The following STAG2 variants were observed in gnomAD, a reference collection of about 807,000 sequenced individuals.
The protein encoded by STAG2 is STAG2 cohesin complex component, also known as cohesin subunit SA-2.
In STAG2, 14 loss-of-function variants were observed where a neutral mutation model predicts 108.1. The observed-to-expected ratio is 0.13, with a 90% CI of 0.09 to 0.20. The LOEUF is 0.20. Ranked by LOEUF, STAG2 falls within the 10% of genes least tolerant of loss-of-function variation. The probability of loss-of-function intolerance (pLI) is 1.00; values close to 1 mark genes in which losing one functional copy is unlikely to be tolerated. For missense variants in STAG2, 440 were observed against 940.9 expected (o/e 0.47, Z 6.96); for synonymous variants, 307 against 302.7 (o/e 1.01, Z -0.15).
intron 1 of STAG2, among the ~76,000 whole-genome samples, chrX:123,990,927 T>C (rs2055426923): frequency 8.9e-6 from 1 of 111,819 alleles, no homozygotes; most frequent in African/African-American, 3.3e-5. Flanking sequence ...TAACAGTACA[T>C]GTCCTTCCAG....
At chrX:124,035,693 G>A (rs758620952) in intron 5 of STAG2, among the ~76,000 whole-genome samples, 3 of 112,077 alleles carry the variant, frequency 2.7e-5, no homozygotes, top group Non-Finnish European at 3.8e-5. Context: ...TGCCTAGTCT[G>A]TAGTGATATG....
intron 1 of STAG2, among the ~76,000 whole-genome samples, chrX:124,015,608 C>T (rs1288787091): frequency 9.1e-6 from 1 of 110,296 alleles, no homozygotes; most frequent in African/African-American, 3.3e-5. Context: ...CTCCTGACCT[C>T]GTGATCCGCC....
rs756274016 is a variant in STAG2 at position 123,993,902 on chromosome X, A to G, written c.-162-27465A>G. Among the ~76,000 whole-genome samples, 6 of 111,812 alleles carry G rather than the reference A, an allele frequency of 5.4e-5. No individual in the cohort carries two copies. The South Asian group carries it at 2.2e-3, about 41-fold the overall frequency. ...AGGTGGAATTTTCCATAATTTATTT[A>G]TTAAACAACCACCTATAGGCATTAT... On this transcript the variant is annotated intron_variant, in intron 1 of 34. Transcript: ENST00000371145.
In STAG2 at chrX:124,053,222, A is replaced by T. The variant is rs141367766; in HGVS notation, c.1196+1828A>T. On this transcript the variant is annotated intron_variant, in intron 13 of 34. Transcript: ENST00000371145. ...TACCAAGCACTTGGGTGGTATGTTG[A>T]GAGAGTTAAAAATCAGAGCCTTCTC... Among the ~76,000 whole-genome samples, 10 of 112,530 alleles carry T rather than the reference A, an allele frequency of 8.9e-5. No individual in the cohort carries two copies. In the East Asian group the frequency reaches 2.8e-3, roughly 31 times the overall value.
chrX:124,056,772 C>T (rs1488085622), intron 14 of STAG2, among the ~76,000 whole-genome samples: 1 of 101,953 alleles, frequency 9.8e-6, no homozygotes, highest in African/African-American at 3.5e-5. Flanking sequence ...GTACCCATGT[C>T]TTTCAGTAAA....
At chrX:124,066,829 T>C (rs1378456387) in intron 23 of STAG2, among the ~76,000 whole-genome samples, 1 of 112,054 alleles carries the variant, frequency 8.9e-6, no homozygotes. Context: ...CTAGTGATGT[T>C]CCAAATTCAT....
At chrX:124,011,923 C>T (rs1007867749) in intron 1 of STAG2, among the ~76,000 whole-genome samples, 9 of 111,798 alleles carry the variant, frequency 8.1e-5, no homozygotes, top group Admixed American at 3.8e-4. Flanking sequence ...TAAATTTCCA[C>T]GAGTTTTTGA....
At chrX:124,093,473 T>G (rs4363319) in intron 32 of STAG2, among the ~76,000 whole-genome samples, 2 of 65,497 alleles carry the variant, frequency 3.1e-5, no homozygotes, top group African/African-American at 1.0e-4. Flanking sequence ...CTTATTCATC[T>G]TTTTTTTTTT....
intron 21 of STAG2, 73 bp downstream of exon 21, chrX:124,066,019 A>C (rs2058513574): frequency 1.0e-6 from 1 of 1,004,069 alleles, no homozygotes; most frequent in African/African-American, 1.9e-5. Context: ...GGGTTATGTT[A>C]ATTTCTAAGC....
intron 1 of STAG2, among the ~76,000 whole-genome samples, chrX:123,991,666 C>CTT (rs368753514): frequency 1.2e-4 from 11 of 94,627 alleles, no homozygotes; most frequent in Admixed American, 2.3e-4. Flanking sequence ...CAACTATTTT[C>CTT]TTTTTTTTTT....
At chrX:124,017,506 G>T in intron 1 of STAG2, among the ~76,000 whole-genome samples, 1 of 111,434 alleles carries the variant, frequency 9.0e-6, no homozygotes, top group Admixed American at 9.6e-5. Context: ...CACCGTGCCT[G>T]GCCCCTAAAT....
chrX:124,088,392 A>G (rs959425268), intron 30 of STAG2, among the ~76,000 whole-genome samples: 1 of 111,230 alleles, frequency 9.0e-6, no homozygotes, highest in Non-Finnish European at 1.9e-5. Context: ...TGGGGCATTA[A>G]TAAGTTAACA....
At chrX:124,098,398 T>A (rs2059435980) in intron 34 of STAG2, among the ~76,000 whole-genome samples, 1 of 111,660 alleles carries the variant, frequency 9.0e-6, no homozygotes, top group African/African-American at 3.3e-5. Flanking sequence ...GTTTATTTTT[T>A]AAATATACAC....
chrX:124,069,104 C>A (rs2058605940), intron 24 of STAG2, among the ~76,000 whole-genome samples: 1 of 111,742 alleles, frequency 8.9e-6, no homozygotes, highest in Non-Finnish European at 1.9e-5. Flanking sequence ...CATTTATAAT[C>A]ACTTCCCTGT....
intron 16 of STAG2, 129 bp from the exon 17 acceptor site, chrX:124,061,641 TC>T (rs2058379241): frequency 8.0e-6 from 4 of 499,312 alleles, no homozygotes; most frequent in Non-Finnish European, 1.3e-5. Context: ...AATGGGATTT[TC>T]TTTAGTACCT....
Position 124,076,415 on chromosome X carries a change from G to A in STAG2, c.2617G>A (p.Val873Ile). 1 of 1,206,925 alleles carries A rather than the reference G, an allele frequency of 8.3e-7. No individual in the cohort carries two copies. Among genetic ancestry groups the A allele is most frequent in the Non-Finnish European group, 1.1e-6 (1 of 893,212 alleles). The part of the protein sequence containing the change: ...NLLAAFCKLI[V>I]YTVVEMNTAA... The stretch of plus-strand genomic sequence containing the variant: ...ACTTGCAGCATTTTGTAAGCTAATT[G>A]TATATACTGTGGTGGAGATGAATAC... The change falls in exon 26 of 35, where the codon GTA (valine) becomes ATA (isoleucine). Residue 873 changes from valine to isoleucine, a missense_variant. Around this residue, in one of 3 missense-constraint regions of STAG2, gnomAD observed 337 missense variants for 649.3 expected, o/e 0.52. Transcript: ENST00000371145.
intron 1 of STAG2, among the ~76,000 whole-genome samples, chrX:123,985,930 A>G (rs1263758634): frequency 9.2e-6 from 1 of 108,797 alleles, no homozygotes; most frequent in Non-Finnish European, 1.9e-5. Context: ...AGAATTAGTA[A>G]TATGAACACT....
chrX:124,041,218 A>ATT (rs201660600), intron 6 of STAG2, among the ~76,000 whole-genome samples: 5 of 97,338 alleles, frequency 5.1e-5, no homozygotes, highest in South Asian at 4.5e-4. Flanking sequence ...TAAAACAATC[A>ATT]TTTTTTTTTT....
chrX:123,966,762 C>A (rs775988656), intron 1 of STAG2, among the ~76,000 whole-genome samples: 1 of 112,081 alleles, frequency 8.9e-6, no homozygotes, highest in East Asian at 2.8e-4. Flanking sequence ...TATGCATCTT[C>A]AGCAGCTGTG....
Sources: gnomAD v4.1 joint callset for allele counts (sites outside exome capture counted in the v4.1 genomes callset) on GRCh38, gnomAD v4.1.1 for gene constraint, gnomAD v4.1.1 regional missense constraint, MANE v1.5 for transcripts, NCBI Gene and HGNC (gene_info 2026-07-23, HGNC 2026-07-21) for gene names.